WAC: variants seen among roughly 807,000 people sequenced by gnomAD.
The protein encoded by WAC is WW domain containing adaptor with coiled-coil.
In WAC, 11 loss-of-function variants were observed where a neutral mutation model predicts 79.6. That is an observed-to-expected ratio of 0.14 (90% CI 0.09 to 0.23). The LOEUF is 0.23. Among genes scored for constraint, WAC ranks in the 10% least tolerant of loss-of-function variants. WAC has a pLI of 1.00. For missense variants in WAC, 728 were observed against 773.5 expected (o/e 0.94, Z 0.70); for synonymous variants, 304 against 276.9 (o/e 1.10, Z -0.97).
chr10:28,548,258 C>G (rs1460219099), intron 3 of WAC, among the ~76,000 whole-genome samples: 1 of 152,024 alleles, frequency 6.6e-6, no homozygotes, highest in African/African-American at 2.4e-5. Flanking sequence ...TGGACAATAC[C>G]CTGAATGCTT....
intron 3 of WAC, among the ~76,000 whole-genome samples, chr10:28,571,232 T>G (rs192258353): frequency 6.6e-6 from 1 of 152,104 alleles, no homozygotes; most frequent in East Asian, 1.9e-4. Flanking sequence ...GCCTGGCCCT[T>G]AAATATATAC....
At chr10:28,568,606 C>A (rs2132533312) in intron 3 of WAC, among the ~76,000 whole-genome samples, 1 of 152,152 alleles carries the variant, frequency 6.6e-6, no homozygotes, top group African/African-American at 2.4e-5. Flanking sequence ...AGGTTTGTTA[C>A]ATATGTATAC....
At chr10:28,584,053 C>G (rs1178142542) in intron 4 of WAC, among the ~76,000 whole-genome samples, 2 of 152,040 alleles carry the variant, frequency 1.3e-5, no homozygotes, top group Non-Finnish European at 2.9e-5. Context: ...TTTAATTCAG[C>G]AAAAAATTAA....
Position 28,550,166 on chromosome 10 carries a change from C to CAA in WAC, c.274+14422_274+14423dup, listed in dbSNP as rs5784070. Among the ~76,000 whole-genome samples the CAA allele has an allele frequency of 3.1e-3, 438 of 141,170 alleles. 2 individuals are homozygous for CAA. The highest frequency in any genetic ancestry group is 8.8e-3 in the South Asian group (39 of 4,416). The allele number at this position is 141,170 out of a possible 152,430, so 92.6% of individuals were successfully genotyped here. ...TGGGTGATAATGCAAGACTCAGTCTCAAAAAAAAAAAAAAGTTTGTTTTAT... is the reference window on the plus strand; with the variant it reads ...TGGGTGATAATGCAAGACTCAGTCTCAAAAAAAAAAAAAAAAGTTTGTTTTAT... On this transcript the variant is annotated intron_variant, in intron 3 of 13. Coordinates refer to ENST00000354911, the MANE Select transcript of WAC (RefSeq NM_016628.5).
At chr10:28,610,005 C>A (rs1417728074) in intron 8 of WAC, among the ~76,000 whole-genome samples, 1 of 143,614 alleles carries the variant, frequency 7.0e-6, no homozygotes, top group Non-Finnish European at 1.5e-5. Context: ...AATCCCGGCT[C>A]ACTGCAACCT....
At chr10:28,600,289 G>C (rs2132737588) in intron 7 of WAC, among the ~76,000 whole-genome samples, 1 of 152,232 alleles carries the variant, frequency 6.6e-6, no homozygotes, top group Middle Eastern at 3.4e-3. Flanking sequence ...TATGAGGTGT[G>C]AGTCAGTCAC....
At chr10:28,603,411 A>T (rs1029369103) in intron 7 of WAC, among the ~76,000 whole-genome samples, 1 of 152,156 alleles carries the variant, frequency 6.6e-6, no homozygotes, top group African/African-American at 2.4e-5. Context: ...AGTAGGGCTG[A>T]TATATTCTTC....
intron 8 of WAC, among the ~76,000 whole-genome samples, chr10:28,609,407 C>T (rs142490732): frequency 6.6e-6 from 1 of 152,294 alleles, no homozygotes; most frequent in African/African-American, 2.4e-5. Flanking sequence ...TACATTTTCA[C>T]ATAATATACT....
chr10:28,565,939 T>C (rs187987641), intron 3 of WAC, among the ~76,000 whole-genome samples: 75 of 152,312 alleles, frequency 4.9e-4, no homozygotes, highest in Admixed American at 3.6e-3. Flanking sequence ...TTTAAAAATA[T>C]TAGAGTGTGC....
chr10:28,569,549 A>G (rs1838834401), intron 3 of WAC, among the ~76,000 whole-genome samples: 1 of 152,144 alleles, frequency 6.6e-6, no homozygotes, highest in Admixed American at 6.5e-5. Context: ...TTTGCAGTTG[A>G]TTACTTTTAT....
intron 2 of WAC, 154 bp downstream of exon 2, chr10:28,534,188 G>T: frequency 1.4e-6 from 1 of 714,530 alleles, no homozygotes. Flanking sequence ...TCCAGGTTTG[G>T]TTCCTTTAGC....
At chr10:28,569,069 A>T (rs764155198) in intron 3 of WAC, among the ~76,000 whole-genome samples, 1 of 152,204 alleles carries the variant, frequency 6.6e-6, no homozygotes, top group Non-Finnish European at 1.5e-5. Context: ...AAGTTCCTGG[A>T]TACTAAATAG....
At chr10:28,609,062 A>C (rs1401198776) in intron 8 of WAC, among the ~76,000 whole-genome samples, 1 of 152,246 alleles carries the variant, frequency 6.6e-6, no homozygotes, top group Non-Finnish European at 1.5e-5. Context: ...GAAACTATTC[A>C]GATTCACACG....
In WAC at chr10:28,570,626, T is replaced by G. The variant is rs534751240; in HGVS notation, c.275-12773T>G. ...CTGTCAGATCTGGGCACTGTTGTAA[T>G]TATGAAATTATTCCAGTGGCATGTC... On this transcript the variant is annotated intron_variant, in intron 3 of 13. Transcript: ENST00000354911. 3.5e-4 allele frequency among the ~76,000 whole-genome samples: 53 copies of G among 152,338 alleles called. No individual in the cohort carries two copies. In the East Asian group the frequency reaches 6.8e-3, roughly 19 times the overall value.
intron 2 of WAC, 179 bp from the exon 3 acceptor site, chr10:28,535,383 G>A (rs923935805): frequency 7.1e-6 from 4 of 564,264 alleles, no homozygotes; most frequent in Non-Finnish European, 8.4e-6. Flanking sequence ...TTATTGTAAC[G>A]CTTAAGCATT....
chr10:28,599,738 G>A (rs1296951255), intron 7 of WAC, among the ~76,000 whole-genome samples: 6 of 152,174 alleles, frequency 3.9e-5, no homozygotes, highest in African/African-American at 9.7e-5. Context: ...TAGTCAGAAC[G>A]GTAGAGAAAG....
At chr10:28,548,603 T>G (rs980308560) in intron 3 of WAC, among the ~76,000 whole-genome samples, 16 of 152,214 alleles carry the variant, frequency 1.1e-4, no homozygotes, top group Admixed American at 1.0e-3. Flanking sequence ...CTAGAAATAC[T>G]CTTGAGAATT....
intron 3 of WAC, among the ~76,000 whole-genome samples, chr10:28,552,567 T>C (rs1432416540): frequency 6.6e-6 from 1 of 152,200 alleles, no homozygotes; most frequent in Non-Finnish European, 1.5e-5. Context: ...AGCATCATGT[T>C]AAGGAATTAC....
rs1191510824 is a variant in WAC at position 28,620,679 on chromosome 10, T to C, written c.*1073T>C. 1 of 152,256 alleles carries C rather than the reference T, an allele frequency of 6.6e-6. No individual in the cohort carries two copies. The highest frequency in any genetic ancestry group is 1.5e-5 in the Non-Finnish European group (1 of 68,038). 9.4% of individuals were successfully genotyped at this position (152,256 alleles called of 1,614,324 possible). ...TAAGGGAGGTTTTGTTTAAAACGTA[T>C]TAACAGGAAATTGTGTATGAGATAT... On this transcript the variant is annotated 3_prime_UTR_variant, in exon 14 of 14. Transcript: ENST00000354911.
Sources: allele counts gnomAD v4.1 joint callset (sites outside exome capture counted in the v4.1 genomes callset), GRCh38; gene constraint gnomAD v4.1.1; transcripts MANE v1.5; gene names NCBI Gene and HGNC (gene_info 2026-07-23, HGNC 2026-07-21).